Variants in ANKDD1B observed in about 807,000 individuals in gnomAD.
ANKDD1B encodes the protein ankyrin repeat and death domain-containing protein 1B.
ANKDD1B carries 57 observed loss-of-function variants against 59.7 expected under a neutral mutation model. The ratio of observed to expected loss-of-function variants is 0.95; its 90% CI spans 0.77 to 1.19. The LOEUF is 1.19. Ranked by LOEUF, ANKDD1B falls within the 50% of genes most tolerant of loss-of-function variation. The pLI is 0.00. For synonymous variants in ANKDD1B, 216 were observed against 239.5 expected (o/e 0.90, Z 0.91); for missense variants, 602 against 641.9 (o/e 0.94, Z 0.67).
intron 3 of ANKDD1B, among the ~76,000 whole-genome samples, chr5:75,623,269 T>G (rs1469789873): frequency 1.3e-5 from 2 of 152,060 alleles, no homozygotes; most frequent in African/African-American, 4.8e-5. Flanking sequence ...TTCTCCATGT[T>G]GGTCAGGTTG....
At chr5:75,661,375 T>G (rs76392594) in intron 10 of ANKDD1B, among the ~76,000 whole-genome samples, 1 of 109,282 alleles carries the variant, frequency 9.2e-6, no homozygotes, top group African/African-American at 3.5e-5. Flanking sequence ...CCAGTCTGGG[T>G]GAAAGAGCGA....
At chr5:75,642,242 A>G (rs2111962047) in intron 7 of ANKDD1B, among the ~76,000 whole-genome samples, 1 of 152,176 alleles carries the variant, frequency 6.6e-6, no homozygotes, top group African/African-American at 2.4e-5. Context: ...AGGTGGGAGG[A>G]GCCAAGATGG....
chr5:75,636,010 G>T, intron 7 of ANKDD1B, 128 bp downstream of exon 7: 2 of 542,568 alleles, frequency 3.7e-6, no homozygotes, highest in Non-Finnish European at 6.4e-6. Flanking sequence ...GATGCTGAAA[G>T]ATTCTTACTT....
At chr5:75,658,472 T>C (rs976854344) in intron 9 of ANKDD1B, among the ~76,000 whole-genome samples, 1 of 152,230 alleles carries the variant, frequency 6.6e-6, no homozygotes, top group Non-Finnish European at 1.5e-5. Context: ...AGATATTTCT[T>C]TTGAAACTCT....
chr5:75,653,113 C>T (rs1412864690), intron 7 of ANKDD1B, 29 bp from the exon 8 acceptor site: 2 of 1,428,706 alleles, frequency 1.4e-6, no homozygotes, highest in East Asian at 2.5e-5. Flanking sequence ...ATGAGAGTTC[C>T]TCCTTGCCCT....
intron 1 of ANKDD1B, among the ~76,000 whole-genome samples, chr5:75,613,768 A>G (rs768186759): frequency 2.6e-5 from 4 of 152,210 alleles, no homozygotes; most frequent in Non-Finnish European, 4.4e-5. Context: ...TGTATCAGTC[A>G]GGACAAAGTA....
At chr5:75,661,668 G>C (rs1292168023) in intron 10 of ANKDD1B, among the ~76,000 whole-genome samples, 1 of 151,954 alleles carries the variant, frequency 6.6e-6, no homozygotes, top group African/African-American at 2.4e-5. Flanking sequence ...CATTGGGCAG[G>C]GATTTATGTT....
chr5:75,635,080 AT>A (rs1419495905), intron 6 of ANKDD1B, 84 bp downstream of exon 6: 4 of 902,334 alleles, frequency 4.4e-6, no homozygotes, highest in Non-Finnish European at 6.8e-6. Flanking sequence ...TGGCATGTAG[AT>A]TTGGTGAGGG....
intron 7 of ANKDD1B, among the ~76,000 whole-genome samples, chr5:75,637,237 T>C (rs1774336968): frequency 4.2e-5 from 2 of 48,048 alleles, no homozygotes; most frequent in Non-Finnish European, 6.7e-5. Flanking sequence ...AGAGACTCTG[T>C]CTCAAAAAAA....
intron 12 of ANKDD1B, among the ~76,000 whole-genome samples, chr5:75,668,812 G>A (rs528118004): frequency 6.6e-6 from 1 of 152,308 alleles, no homozygotes; most frequent in Non-Finnish European, 1.5e-5. Flanking sequence ...TGCTCAGAGT[G>A]GGGAATATGG....
chr5:75,611,867 G>T, intron 1 of ANKDD1B, 40 bp downstream of exon 1: 1 of 1,228,788 alleles, frequency 8.1e-7, no homozygotes, highest in Non-Finnish European at 1.0e-6. Flanking sequence ...CAGGCTGCGG[G>T]GCGGGCTGGG....
At position 75,634,203 on chromosome 5, in the gene ANKDD1B, G is replaced by A. The variant is rs187457263; in HGVS notation, c.601-695G>A. Reference sequence around the variant, plus strand: ...GCTATGGAAAATATAGTCTCCATTGGCAACATGAAAAGTAGGAGGAATTCC... The same window carrying A: ...GCTATGGAAAATATAGTCTCCATTGACAACATGAAAAGTAGGAGGAATTCC... On this transcript the variant is annotated intron_variant, in intron 5 of 13. Coordinates refer to ENST00000601380, the MANE Select transcript of ANKDD1B (RefSeq NM_001276713.2). Among the ~76,000 whole-genome samples, 443 of 152,226 alleles carry A rather than the reference G, an allele frequency of 2.9e-3. 1 individual carries two copies. The highest frequency in any genetic ancestry group is 0.01 in the African/African-American group (425 of 41,532).
chr5:75,664,041 A>G (rs1447058134), intron 11 of ANKDD1B, among the ~76,000 whole-genome samples: 1 of 152,192 alleles, frequency 6.6e-6, no homozygotes, highest in African/African-American at 2.4e-5. Context: ...TTCTCAATAG[A>G]CTGCCCTCCC....
intron 5 of ANKDD1B, among the ~76,000 whole-genome samples, chr5:75,630,266 G>A (rs1774113323): frequency 6.6e-6 from 1 of 152,134 alleles, no homozygotes; most frequent in African/African-American, 2.4e-5. Flanking sequence ...TGAAATTCCT[G>A]TTATTTTGTC....
chr5:75,668,011 T>C (rs1775357005), intron 12 of ANKDD1B, among the ~76,000 whole-genome samples: 1 of 152,230 alleles, frequency 6.6e-6, no homozygotes, highest in Non-Finnish European at 1.5e-5. Context: ...AATTTTTTTA[T>C]TGTTAAGATT....
chr5:75,660,517 G>A (rs925165954), intron 10 of ANKDD1B, among the ~76,000 whole-genome samples: 5 of 152,164 alleles, frequency 3.3e-5, no homozygotes, highest in African/African-American at 7.2e-5. Context: ...TTTGGGTTGC[G>A]TCCACCTTTT....
rs113331964 is a variant in ANKDD1B at position 75,629,247 on chromosome 5, T to C, written c.600+3292T>C. Among the ~76,000 whole-genome samples the C allele has an allele frequency of 5.3e-3, 810 of 152,236 alleles. 4 individuals carry two copies. The highest frequency in any genetic ancestry group is 8.6e-3 in the Non-Finnish European group (588 of 68,004). On this transcript the variant is annotated intron_variant, in intron 5 of 13. Transcript: ENST00000601380. ...GTCTCCCACCCCACCAGTGCCACTT[T>C]TTCATATTTAACACACTGCTTTTTT...
rs1773559652 is a variant in ANKDD1B, at chr5:75,611,672, C to T, written c.38C>T (p.Thr13Met). 1.5e-5 allele frequency: 18 copies of T among 1,231,650 alleles called. No individual in the cohort carries two copies. The highest frequency in any genetic ancestry group is 1.8e-5 in the Non-Finnish European group (18 of 988,122). The allele number at this position is 1,231,650 out of a possible 1,614,324, so 76.3% of individuals were successfully genotyped here. The change falls in exon 1 of 14, where the codon ACG becomes ATG. Residue 13 changes from threonine (T) to methionine (M), a missense_variant. Transcript: ENST00000601380. Reference protein sequence around the residue: ...PAGRARGQGATAGGLLLRAAA... With the variant: ...PAGRARGQGAMAGGLLLRAAA... ...GGGCGCGCCCGGGGCCAAGGGGCCA[C>T]GGCAGGGGGGCTGCTGCTCCGGGCT...
chr5:75,653,035 T>C, intron 7 of ANKDD1B, 107 bp from the exon 8 acceptor site: 1 of 761,730 alleles, frequency 1.3e-6, no homozygotes, highest in Admixed American at 2.0e-5. Flanking sequence ...TGCACGACTG[T>C]AGTTGTACTA....
Sources: gnomAD v4.1 joint callset for allele counts (sites outside exome capture counted in the v4.1 genomes callset) on GRCh38, gnomAD v4.1.1 for gene constraint, MANE v1.5 for transcripts, NCBI Gene and HGNC (gene_info 2026-07-23, HGNC 2026-07-21) for gene names.